Variants in ERC2 observed in about 807,000 individuals in gnomAD.
The protein encoded by ERC2 is ERC protein 2.
A neutral mutation model predicts 114.8 loss-of-function variants in ERC2; 42 were observed. The observed-to-expected ratio is 0.37, with a 90% confidence interval of 0.29 to 0.47. The LOEUF (loss-of-function observed/expected upper bound fraction) is 0.47, where lower values mean the gene tolerates loss of function less well. Ranked by LOEUF, ERC2 falls within the 20% of genes least tolerant of loss-of-function variation. The pLI, the probability that ERC2 is intolerant of heterozygous loss-of-function variation, is 0.99. For synonymous variants in ERC2, 454 were observed against 425.5 expected, an observed-to-expected ratio of 1.07 and a Z score of -0.82; for missense variants, 939 against 1,150.7, an observed-to-expected ratio of 0.82 and a Z score of 2.66.
rs139210266 is a variant in ERC2, at chr3:56,234,528, C to T, written c.1075-61008G>A. Among the ~76,000 whole-genome samples the T allele has an allele frequency of 2.5e-3, 377 of 152,258 alleles. 3 individuals carry two copies. Among genetic ancestry groups the T allele is most frequent in the African/African-American group, 8.6e-3 (356 of 41,532 alleles). ...CCACAGTTCTTAACATTTTTTAGACCATGAACCCTGGAATTTCTGGGACAT... is the reference window on the plus strand; with the variant it reads ...CCACAGTTCTTAACATTTTTTAGACTATGAACCCTGGAATTTCTGGGACAT... On this transcript the variant is annotated intron_variant, in intron 3 of 17. Coordinates refer to ENST00000288221, the MANE Select transcript of ERC2 (RefSeq NM_015576.3).
intron 3 of ERC2, among the ~76,000 whole-genome samples, chr3:56,265,183 A>T (rs1329219376): frequency 1.3e-5 from 2 of 152,312 alleles, no homozygotes; most frequent in East Asian, 3.9e-4. Context: ...TGGAGGCATC[A>T]CACTCCCTGA....
rs368990828 is a variant in ERC2, at chr3:56,366,689, T to C, written c.657+67662A>G. 3.0e-4 allele frequency among the ~76,000 whole-genome samples: 46 copies of C among 152,326 alleles called. 2 individuals are homozygous for C. The South Asian group carries it at 9.3e-3, about 31-fold the overall frequency. ...TCCCTTTTGTCCTTCTATTTTGCAT[T>C]GTGCTGTCTCCGTGTTGTTTGCCAT... On this transcript the variant is annotated intron_variant, in intron 2 of 17. Coordinates refer to ENST00000288221, the MANE Select transcript of ERC2 (RefSeq NM_015576.3).
At chr3:56,365,835 A>T (rs2059129452) in intron 2 of ERC2, among the ~76,000 whole-genome samples, 1 of 152,228 alleles carries the variant, frequency 6.6e-6, no homozygotes, top group Admixed American at 6.5e-5. Flanking sequence ...CCGCCCCTTG[A>T]CAGAACTTAC....
At chr3:56,018,867 T>A (rs2073505461) in intron 8 of ERC2, 27 bp downstream of exon 8, 1 of 1,604,150 alleles carries the variant, frequency 6.2e-7, no homozygotes, top group Admixed American at 1.7e-5. Context: ...CATATCCTGA[T>A]TCCCCAGTTT....
intron 3 of ERC2, among the ~76,000 whole-genome samples, chr3:56,275,721 C>T (rs913561772): frequency 6.6e-6 from 1 of 152,210 alleles, no homozygotes; most frequent in East Asian, 1.9e-4. Context: ...ATGCTGGTTG[C>T]TGGACTGCAC....
At chr3:56,313,049 T>C (rs2056683474) in intron 2 of ERC2, among the ~76,000 whole-genome samples, 1 of 95,238 alleles carries the variant, frequency 1.0e-5, no homozygotes, top group Admixed American at 1.2e-4. Flanking sequence ...GGGTGGGAGA[T>C]GAGTGAATGA....
chr3:56,158,714 C>T (rs796592485), intron 4 of ERC2, among the ~76,000 whole-genome samples: 1 of 151,752 alleles, frequency 6.6e-6, no homozygotes, highest in African/African-American at 2.4e-5. Flanking sequence ...CTCTTTGGAA[C>T]CTTCTCAGTT....
intron 2 of ERC2, among the ~76,000 whole-genome samples, chr3:56,370,581 G>C (rs1459952158): frequency 1.3e-5 from 2 of 148,688 alleles, no homozygotes; most frequent in Admixed American, 1.4e-4. Flanking sequence ...TTGGGTTTTG[G>C]TGGGGGTTTT....
intron 10 of ERC2, among the ~76,000 whole-genome samples, chr3:56,000,351 A>T (rs1027251114): frequency 6.6e-6 from 1 of 152,136 alleles, no homozygotes; most frequent in Admixed American, 6.6e-5. Context: ...AAGAACCTAA[A>T]AATTGTTCTC....
chr3:56,065,201 T>C (rs1483957553), intron 7 of ERC2, among the ~76,000 whole-genome samples: 1 of 152,102 alleles, frequency 6.6e-6, no homozygotes, highest in Non-Finnish European at 1.5e-5. Flanking sequence ...TTGTAAAACA[T>C]CATCAAGACT....
chr3:56,026,084 G>C (rs1229118627), intron 7 of ERC2, among the ~76,000 whole-genome samples: 5 of 86,788 alleles, frequency 5.8e-5, no homozygotes, highest in African/African-American at 2.3e-4. Flanking sequence ...TTTTTTTTTC[G>C]AGATGGAGTC....
chr3:55,611,151 G>T (rs1475134715), intron 17 of ERC2, among the ~76,000 whole-genome samples: 1 of 152,216 alleles, frequency 6.6e-6, no homozygotes, highest in Non-Finnish European at 1.5e-5. Context: ...TTTTTCAAGG[G>T]AAGGCATTTA....
chr3:55,714,659 G>A (rs2063976737), intron 15 of ERC2, among the ~76,000 whole-genome samples: 1 of 70,846 alleles, frequency 1.4e-5, no homozygotes, highest in Non-Finnish European at 2.4e-5. Flanking sequence ...GTGTGTGTGT[G>A]TGTGTGTGTA....
At chr3:55,974,101 G>A (rs537020563) in intron 12 of ERC2, among the ~76,000 whole-genome samples, 15 of 152,116 alleles carry the variant, frequency 9.9e-5, no homozygotes, top group Non-Finnish European at 1.6e-4. Context: ...CAGGCATACC[G>A]ACAAAGTAAT....
chr3:56,204,591 C>A (rs2048604113), intron 3 of ERC2, among the ~76,000 whole-genome samples: 1 of 151,400 alleles, frequency 6.6e-6, no homozygotes, highest in Non-Finnish European at 1.5e-5. Context: ...GCAACTCTGC[C>A]TCTTGGGTTC....
rs542051331 is a variant in ERC2, at chr3:55,691,360, G to T, written c.2848-7501C>A. On this transcript the variant is annotated intron_variant, in intron 16 of 17. Transcript: ENST00000288221. ...GCATGCCAGGATATCCTTGGCTACA[G>T]TTCTGAAAGGACTGGCCCAGGAGTG... Among the ~76,000 whole-genome samples, 95 of 151,796 alleles carry T rather than the reference G, an allele frequency of 6.3e-4. 1 individual carries two copies. Among genetic ancestry groups the T allele is most frequent in the Non-Finnish European group, 2.1e-4 (14 of 67,928 alleles).
chr3:55,955,128 C>T (rs777944008), intron 12 of ERC2: 2 of 515,266 alleles, frequency 3.9e-6, no homozygotes, highest in Non-Finnish European at 7.7e-6. Flanking sequence ...GACACACATG[C>T]ATATGAACGG....
chr3:55,548,681 G>A (rs1167322943), intron 17 of ERC2, among the ~76,000 whole-genome samples: 4 of 152,168 alleles, frequency 2.6e-5, no homozygotes, highest in Non-Finnish European at 5.9e-5. Flanking sequence ...GGTGTCCTTC[G>A]ATGGGCCACT....
At chr3:56,359,677 C>T (rs1400773246) in intron 2 of ERC2, among the ~76,000 whole-genome samples, 1 of 152,210 alleles carries the variant, frequency 6.6e-6, no homozygotes. Context: ...ACTCATGGTT[C>T]TGTACTCTGT....
Sources: allele counts gnomAD v4.1 joint callset (sites outside exome capture counted in the v4.1 genomes callset), GRCh38; gene constraint gnomAD v4.1.1; transcripts MANE v1.5; gene names NCBI Gene and HGNC (gene_info 2026-07-23, HGNC 2026-07-21).